Variants in FOXN1 observed in about 807,000 individuals in gnomAD.
FOXN1 encodes forkhead box protein N1.
FOXN1 carries 15 observed loss-of-function variants against 49.0 expected under a neutral mutation model. The ratio of observed to expected loss-of-function variants is 0.31; its 90% CI spans 0.20 to 0.47. The LOEUF (loss-of-function observed/expected upper bound fraction) is 0.47. Among genes scored for constraint, FOXN1 ranks in the 20% least tolerant of loss-of-function variants. The probability of loss-of-function intolerance (pLI) is 1.00; values close to 1 mark genes in which losing one functional copy is unlikely to be tolerated. For missense variants in FOXN1, 800 were observed against 842.8 expected, an observed-to-expected ratio of 0.95 and a Z score of 0.63; for synonymous variants, 356 against 369.0, an observed-to-expected ratio of 0.96 and a Z score of 0.40.
At chr17:28,532,466 C>T (rs2069936827) in intron 6 of FOXN1, among the ~76,000 whole-genome samples, 1 of 152,220 alleles carries the variant, frequency 6.6e-6, no homozygotes, top group African/African-American at 2.4e-5. Flanking sequence ...GTCACTGCCT[C>T]CTTGTGTGAT....
chr17:28,510,635 AATTATC>A (rs1435287384), intron 1 of FOXN1, among the ~76,000 whole-genome samples: 1 of 151,550 alleles, frequency 6.6e-6, no homozygotes, highest in African/African-American at 2.4e-5. Context: ...CAGAAAACCC[AATTATC>A]AGACTCTGCA....
chr17:28,524,952 T>C lies in FOXN1; in HGVS notation c.573T>C (p.His191=), dbSNP rs140345611. The C allele has an allele frequency of 3.0e-4, 486 of 1,610,426 alleles. No individual in the cohort carries two copies. Among genetic ancestry groups the C allele is most frequent in the Non-Finnish European group, 3.8e-4 (449 of 1,179,400 alleles). The change falls in exon 3 of 9, where the codon CAT becomes CAC. Residue 191 remains histidine (H), a synonymous_variant. Coordinates refer to ENST00000579795, the MANE Select transcript of FOXN1 (RefSeq NM_001369369.1). The part of the protein sequence containing the change: ...CNGLPYPSQE[H]GPQVLGSEVK... ...GGCTCCCCTACCCCAGCCAGGAGCATGGCCCCCAAGTCCTGGTGAGTACTA... is the reference window on the plus strand; with the variant it reads ...GGCTCCCCTACCCCAGCCAGGAGCACGGCCCCCAAGTCCTGGTGAGTACTA...
chr17:28,508,177 G>A (rs1463649204), intron 1 of FOXN1, among the ~76,000 whole-genome samples: 1 of 152,142 alleles, frequency 6.6e-6, no homozygotes, highest in Non-Finnish European at 1.5e-5. Context: ...TATTTCCCAG[G>A]GGCTCAGGGA....
At chr17:28,507,628 T>C (rs1453709121) in intron 1 of FOXN1, among the ~76,000 whole-genome samples, 1 of 152,194 alleles carries the variant, frequency 6.6e-6, no homozygotes, top group Non-Finnish European at 1.5e-5. Flanking sequence ...CTCTGAAGTC[T>C]TTACTGCTGC....
chr17:28,534,723 C>T lies in FOXN1; in HGVS notation c.1152C>T (p.Leu384=). ...SMAKPEELDS[L]IGDKREKLGS... ...GCCTTTCAGAAGAGCTGGACAGCCT[C>T]ATTGGAGACAAGAGAGAAAAGCTGG... is the stretch of plus-strand genomic sequence containing the variant. Residue 384 remains leucine, a synonymous_variant, in exon 8 of 9, where the codon CTC becomes CTT. Transcript: ENST00000579795. This position sits in a 1 kb window ranked among gnomAD's most constrained non-coding sequence, Gnocchi z 4.1. The T allele has an allele frequency of 6.2e-7, 1 of 1,613,532 alleles. No individual in the cohort carries two copies. Among genetic ancestry groups the T allele is most frequent in the South Asian group, 1.1e-5 (1 of 91,022 alleles).
intron 1 of FOXN1, among the ~76,000 whole-genome samples, chr17:28,516,603 A>G (rs2069509190): frequency 6.7e-6 from 1 of 148,280 alleles, no homozygotes; most frequent in Non-Finnish European, 1.5e-5. Flanking sequence ...TCCATAGGGT[A>G]CACACCTCCG....
chr17:28,524,620 C>T lies in FOXN1; in HGVS notation c.241C>T (p.His81Tyr). ...ASPGPEQVQG[H>Y]CPAGPGPGPF... is the part of the protein sequence containing the mutation. Reference sequence around the variant, plus strand: ...ACCAGGGCCCGAGCAAGTCCAGGGCCACTGCCCAGCCGGCCCCGGCCCTGG... The same window carrying T: ...ACCAGGGCCCGAGCAAGTCCAGGGCTACTGCCCAGCCGGCCCCGGCCCTGG... The change falls in exon 3 of 9, where the codon CAC (histidine) becomes TAC (tyrosine). Residue 81 changes from histidine (H) to tyrosine (Y), a missense_variant. Transcript: ENST00000579795. 3 of 1,613,648 alleles carry T rather than the reference C, an allele frequency of 1.9e-6. No homozygotes were observed. Among genetic ancestry groups the T allele is most frequent in the Non-Finnish European group, 2.5e-6 (3 of 1,179,994 alleles).
intron 3 of FOXN1, 25 bp downstream of exon 3, chr17:28,524,992 T>C (rs766256688): frequency 1.8e-5 from 27 of 1,525,672 alleles, no homozygotes; most frequent in Admixed American, 3.4e-5. Context: ...CCAGCGAGTG[T>C]CCCATCTTCC....
At chr17:28,527,537 A>C (rs1398913461) in intron 4 of FOXN1, among the ~76,000 whole-genome samples, 176 bp downstream of exon 4, 1 of 152,232 alleles carries the variant, frequency 6.6e-6, no homozygotes, top group African/African-American at 2.4e-5. Context: ...TAATGGGAAG[A>C]GAAGCAATTG....
At chr17:28,530,914 G>C in intron 6 of FOXN1, 69 bp downstream of exon 6, 1 of 891,008 alleles carries the variant, frequency 1.1e-6, no homozygotes, top group South Asian at 1.3e-5. Context: ...TCTGAGCAGA[G>C]GCTTCTGTCT....
intron 1 of FOXN1, among the ~76,000 whole-genome samples, chr17:28,517,314 T>TACACACCTCCACAGGG (rs1283184224): frequency 7.4e-6 from 1 of 135,694 alleles, no homozygotes; most frequent in Non-Finnish European, 1.5e-5. Flanking sequence ...CTCCACAAGA[T>TACACACCTCCACAGGG]ACACACCTCC....
At chr17:28,535,223 G>T (rs1260629548) in intron 8 of FOXN1, 25 bp downstream of exon 8, 2 of 1,610,134 alleles carry the variant, frequency 1.2e-6, no homozygotes, top group South Asian at 2.2e-5. Flanking sequence ...GGAAAGGGAA[G>T]GTGGGACAGG....
At chr17:28,530,090 G>A (rs1013120248) in intron 5 of FOXN1, among the ~76,000 whole-genome samples, 3 of 151,948 alleles carry the variant, frequency 2.0e-5, no homozygotes, top group Admixed American at 6.6e-5. Context: ...TGTAGATGAC[G>A]GGTTGACGGG....
intron 1 of FOXN1, among the ~76,000 whole-genome samples, chr17:28,507,236 C>T (rs2069281990): frequency 6.6e-6 from 1 of 152,162 alleles, no homozygotes; most frequent in African/African-American, 2.4e-5. Flanking sequence ...AAGCCCCTGC[C>T]AGCTCCCCCG....
chr17:28,530,311 G>T (rs2069880949), intron 5 of FOXN1, among the ~76,000 whole-genome samples: 1 of 152,146 alleles, frequency 6.6e-6, no homozygotes, highest in African/African-American at 2.4e-5. Context: ...CATTGCATAG[G>T]CTCAAGAAAC....
chr17:28,524,100 C>A lies in FOXN1; in HGVS notation c.123+8C>A. ...TCCCCTGCCCCACAGAGTGTAAGTA[C>A]CCGGCATCTGGGCCTGGGTTTAGGC... On this transcript the variant is annotated splice_region_variant and intron_variant, in intron 2 of 8. Transcript: ENST00000579795. 6 of 1,587,206 alleles carry A rather than the reference C, an allele frequency of 3.8e-6. No homozygotes were observed. Among genetic ancestry groups the A allele is most frequent in the Non-Finnish European group, 4.3e-6 (5 of 1,167,426 alleles).
chr17:28,535,353 T>C (rs2070035848), intron 8 of FOXN1, among the ~76,000 whole-genome samples, 155 bp downstream of exon 8: 1 of 152,158 alleles, frequency 6.6e-6, no homozygotes, highest in African/African-American at 2.4e-5. Flanking sequence ...AGGGGGAGCT[T>C]CCCACTTGCT....
Position 28,534,361 on chromosome 17 carries a change from C to T in FOXN1, c.958C>T (p.Arg320Trp), listed in dbSNP as rs1288977950. The T allele has an allele frequency of 3.1e-6, 5 of 1,614,024 alleles. No individual in the cohort carries two copies. The highest frequency in any genetic ancestry group is 1.3e-5 in the African/African-American group (1 of 74,920). The change falls in exon 7 of 9, where the codon CGG becomes TGG. Residue 320 changes from arginine (R) to tryptophan (W), a missense_variant. Arg to Trp is a moderately radical substitution (Grantham distance 101). Around this residue, in one of 3 missense-constraint regions of FOXN1, gnomAD observed 73 missense variants for 118.9 expected, o/e 0.61. Coordinates refer to ENST00000579795, the MANE Select transcript of FOXN1 (RefSeq NM_001369369.1). The surrounding 1 kb of genome is among the most constrained non-coding windows in gnomAD (Gnocchi z 4.1). The stretch of plus-strand genomic sequence containing the variant: ...ACCCGATGGCTGGAAGAATTCTGTC[C>T]GGCACAACCTATCCCTCAACAAGTG... ...TAPDGWKNSV[R>W]HNLSLNKCFE...
intron 6 of FOXN1, among the ~76,000 whole-genome samples, chr17:28,531,918 T>C (rs922082562): frequency 1.3e-5 from 2 of 151,296 alleles, no homozygotes; most frequent in African/African-American, 2.4e-5. Flanking sequence ...TGTCCAGGAG[T>C]GGAAAAGTGT....
Sources: gnomAD v4.1 joint callset for allele counts (sites outside exome capture counted in the v4.1 genomes callset) on GRCh38, gnomAD v4.1.1 for gene constraint, gnomAD v4.1.1 regional missense constraint, Gnocchi (gnomAD v3.1) non-coding constraint, MANE v1.5 for transcripts, NCBI Gene and HGNC (gene_info 2026-07-23, HGNC 2026-07-21) for gene names.